Variants in EFCAB11 observed in about 807,000 individuals in gnomAD.
EFCAB11 encodes the protein EF-hand calcium binding domain 11.
EFCAB11 carries 14 observed loss-of-function variants against 23.0 expected under a neutral mutation model. That is an observed-to-expected ratio of 0.61 (90% CI 0.40 to 0.95). The LOEUF is 0.95. Among genes scored for constraint, EFCAB11 ranks in the 40% least tolerant of loss-of-function variants. EFCAB11 has a pLI of 0.00. For missense variants in EFCAB11, 198 were observed against 195.8 expected (o/e 1.01, Z -0.07); for synonymous variants, 65 against 66.6 (o/e 0.98, Z 0.11).
Position 89,932,510 on chromosome 14 carries a change from C to T in EFCAB11, c.319+16G>A. On this transcript the variant is annotated intron_variant, in intron 4 of 5. Transcript: ENST00000316738. Reference sequence around the variant, plus strand: ...AAGTAATTTTTTTTACATCAAAACACTTTAGAGACACTTACAGTAGGTGTC... The same window carrying T: ...AAGTAATTTTTTTTACATCAAAACATTTTAGAGACACTTACAGTAGGTGTC... 2 of 1,608,060 alleles carry T rather than the reference C, an allele frequency of 1.2e-6. No homozygotes were observed. Among genetic ancestry groups the T allele is most frequent in the African/African-American group, 1.3e-5 (1 of 74,750 alleles).
At chr14:89,861,527 T>C (rs1362742267) in intron 5 of EFCAB11, among the ~76,000 whole-genome samples, 1 of 152,210 alleles carries the variant, frequency 6.6e-6, no homozygotes, top group Non-Finnish European at 1.5e-5. Flanking sequence ...GTACATGCCC[T>C]GCTGAACCCA....
At chr14:89,884,623 T>C (rs1260939483) in intron 5 of EFCAB11, among the ~76,000 whole-genome samples, 2 of 152,248 alleles carry the variant, frequency 1.3e-5, no homozygotes, top group Non-Finnish European at 2.9e-5. Context: ...CTACTATTGT[T>C]TGAAGATGAC....
At chr14:89,901,735 G>A (rs897185215) in intron 5 of EFCAB11, among the ~76,000 whole-genome samples, 1 of 152,078 alleles carries the variant, frequency 6.6e-6, no homozygotes, top group African/African-American at 2.4e-5. Flanking sequence ...AACATGGTGT[G>A]AAATATGATA....
At chr14:89,802,206 TTA>T (rs1491122393) in intron 5 of EFCAB11, among the ~76,000 whole-genome samples, 3 of 29,958 alleles carry the variant, frequency 1.0e-4, no homozygotes, top group African/African-American at 8.3e-4. Flanking sequence ...CCCAAGTTAC[TTA>T]AAAAAAAAAA....
intron 5 of EFCAB11, among the ~76,000 whole-genome samples, chr14:89,835,568 AGATTAGG>A (rs1937685388): frequency 7.1e-6 from 1 of 141,084 alleles, no homozygotes; most frequent in African/African-American, 2.8e-5. Flanking sequence ...TTTGGATTTC[AGATTAGG>A]GATGCTCAAC....
intron 5 of EFCAB11, among the ~76,000 whole-genome samples, chr14:89,886,257 C>A (rs1888768850): frequency 6.6e-6 from 1 of 152,062 alleles, no homozygotes; most frequent in Non-Finnish European, 1.5e-5. Context: ...GTGGCTCATG[C>A]CTGTAATCCC....
intron 5 of EFCAB11, among the ~76,000 whole-genome samples, chr14:89,859,378 T>G (rs1237044590): frequency 6.6e-6 from 1 of 152,236 alleles, no homozygotes; most frequent in Non-Finnish European, 1.5e-5. Context: ...AGAATCAGAA[T>G]GGGAATGAAA....
At chr14:89,827,625 ACT>A (rs1886738001) in intron 5 of EFCAB11, among the ~76,000 whole-genome samples, 2 of 113,334 alleles carry the variant, frequency 1.8e-5, no homozygotes, top group Non-Finnish European at 3.7e-5. Context: ...AATTTTATTC[ACT>A]CTTTTTTTTT....
At chr14:89,812,304 G>C (rs963613153) in intron 5 of EFCAB11, among the ~76,000 whole-genome samples, 1 of 152,160 alleles carries the variant, frequency 6.6e-6, no homozygotes, top group African/African-American at 2.4e-5. Context: ...CATATAAAAG[G>C]ATATTTGAAA....
chr14:89,848,306 T>G (rs1338919488), intron 5 of EFCAB11: 1 of 152,190 alleles, frequency 6.6e-6, no homozygotes, highest in Non-Finnish European at 1.5e-5. Flanking sequence ...ATGACTTCAG[T>G]GTTCAATTCC....
chr14:89,855,354 T>C (rs1887721802), intron 5 of EFCAB11, among the ~76,000 whole-genome samples: 1 of 151,838 alleles, frequency 6.6e-6, no homozygotes, highest in Non-Finnish European at 1.5e-5. Context: ...TGTGCACCTG[T>C]AGTCCCACCT....
chr14:89,887,362 A>G (rs764155336), intron 5 of EFCAB11, among the ~76,000 whole-genome samples: 30 of 152,240 alleles, frequency 2.0e-4, no homozygotes, highest in Admixed American at 6.5e-4. Flanking sequence ...ACAACTAGAT[A>G]CACATGATCA....
intron 3 of EFCAB11, among the ~76,000 whole-genome samples, chr14:89,942,920 T>C (rs1890841215): frequency 6.6e-6 from 1 of 152,186 alleles, no homozygotes; most frequent in African/African-American, 2.4e-5. Context: ...TCGAAGCCCT[T>C]GGGAAGCAGG....
chr14:89,822,639 C>A (rs2076873464), intron 5 of EFCAB11, among the ~76,000 whole-genome samples: 4 of 152,134 alleles, frequency 2.6e-5, no homozygotes, highest in Admixed American at 2.6e-4. Flanking sequence ...TATGGACACA[C>A]AGAGTGTGAG....
chr14:89,934,551 C>T (rs1016565415), intron 3 of EFCAB11, among the ~76,000 whole-genome samples: 5 of 152,022 alleles, frequency 3.3e-5, no homozygotes, highest in Non-Finnish European at 7.4e-5. Context: ...AGGAGGTGGC[C>T]GGCTGTCTTC....
At chr14:89,816,874 AAAT>A (rs202018002) in intron 5 of EFCAB11, among the ~76,000 whole-genome samples, 2,690 of 152,276 alleles carry the variant, frequency 0.018, 40 homozygotes, top group Middle Eastern at 0.092. Flanking sequence ...CATGCTCTAA[AAAT>A]AATAACATTG....
At chr14:89,858,649 C>T (rs1662007416) in intron 5 of EFCAB11, among the ~76,000 whole-genome samples, 1 of 147,924 alleles carries the variant, frequency 6.8e-6, no homozygotes, top group Admixed American at 7.0e-5. Flanking sequence ...ATCACCACAC[C>T]CAGCTAATTT....
intron 1 of EFCAB11, 129 bp from the exon 2 acceptor site, chr14:89,954,130 A>T: frequency 1.1e-6 from 1 of 904,262 alleles, no homozygotes; most frequent in Non-Finnish European, 1.6e-6. Flanking sequence ...ATAGAATTTC[A>T]TTATCCCAAT....
chr14:89,844,972 G>A (rs1200760243), intron 5 of EFCAB11, among the ~76,000 whole-genome samples: 2 of 151,920 alleles, frequency 1.3e-5, no homozygotes, highest in Non-Finnish European at 2.9e-5. Context: ...GGGAGGGGGC[G>A]GGGTTATAAG....
Sources: allele counts gnomAD v4.1 joint callset (sites outside exome capture counted in the v4.1 genomes callset), GRCh38; gene constraint gnomAD v4.1.1; transcripts MANE v1.5; gene names NCBI Gene and HGNC (gene_info 2026-07-23, HGNC 2026-07-21).